ZRANB3: variants seen among roughly 807,000 people sequenced by gnomAD.
ZRANB3 encodes the protein DNA annealing helicase and endonuclease ZRANB3.
Under a neutral mutation model 133.8 loss-of-function variants are expected in ZRANB3, and 125 were observed. The ratio of observed to expected loss-of-function variants is 0.93; its 90% confidence interval spans 0.81 to 1.08. ZRANB3 has a LOEUF of 1.08. Among genes scored for constraint, ZRANB3 ranks in the 50% least tolerant of loss-of-function variants. The pLI is 0.00. For synonymous variants in ZRANB3, 387 were observed against 432.7 expected (o/e 0.89, Z 1.31); for missense variants, 1,229 against 1,275.5 (o/e 0.96, Z 0.56).
chr2:135,488,023 A>G (rs2104802357), intron 2 of ZRANB3, among the ~76,000 whole-genome samples: 1 of 152,232 alleles, frequency 6.6e-6, no homozygotes, highest in South Asian at 2.1e-4. Flanking sequence ...AAAGTGAGAG[A>G]TGTATGATCT....
intron 12 of ZRANB3, among the ~76,000 whole-genome samples, chr2:135,245,949 G>GAC (rs1695777284): frequency 1.3e-5 from 1 of 76,944 alleles, no homozygotes; most frequent in African/African-American, 7.1e-5. Context: ...AAAAAAAAAA[G>GAC]AGACAGGGTT....
intron 2 of ZRANB3, among the ~76,000 whole-genome samples, chr2:135,484,519 T>C (rs556169432): frequency 6.6e-6 from 1 of 152,012 alleles, no homozygotes; most frequent in African/African-American, 2.4e-5. Flanking sequence ...TATGAATTAA[T>C]AAAAAATTAG....
intron 1 of ZRANB3, among the ~76,000 whole-genome samples, chr2:135,512,731 TAAAG>T (rs1284694338): frequency 6.6e-6 from 1 of 151,544 alleles, no homozygotes; most frequent in African/African-American, 2.4e-5. Context: ...ATTATTAAAA[TAAAG>T]AAAAGCATTT....
intron 6 of ZRANB3, among the ~76,000 whole-genome samples, chr2:135,321,170 T>C (rs541944644): frequency 3.3e-5 from 5 of 152,320 alleles, no homozygotes; most frequent in East Asian, 1.9e-4. Context: ...TACCCAGCAG[T>C]AGGATTTCTG....
chr2:135,470,353 A>G (rs1024134158), intron 2 of ZRANB3, among the ~76,000 whole-genome samples: 1 of 151,418 alleles, frequency 6.6e-6, no homozygotes, highest in Non-Finnish European at 1.5e-5. Context: ...AATACTCTAA[A>G]AGTAGGTATG....
chr2:135,320,598 T>C (rs1000190923), intron 6 of ZRANB3, among the ~76,000 whole-genome samples: 1 of 152,202 alleles, frequency 6.6e-6, no homozygotes, highest in Non-Finnish European at 1.5e-5. Flanking sequence ...CTTTTGATCA[T>C]ATATAATTTA....
chr2:135,472,885 T>C lies in ZRANB3; in HGVS notation c.161+31444A>G, dbSNP rs531723741. ...GGTAAAGGAGAGCTAGTAGTAAGTT[T>C]ATACATCGTAGGGTTGTAGCCTTAT... On this transcript the variant is annotated intron_variant, in intron 2 of 20. Coordinates refer to ENST00000264159, the MANE Select transcript of ZRANB3 (RefSeq NM_032143.4). Among the ~76,000 whole-genome samples, 7 of 152,314 alleles carry C rather than the reference T, an allele frequency of 4.6e-5. No homozygotes were observed. In the East Asian group the frequency reaches 9.6e-4, roughly 21 times the overall value.
chr2:135,390,609 AAC>A (rs199759650), intron 3 of ZRANB3, among the ~76,000 whole-genome samples, 191 bp downstream of exon 3: 9 of 150,722 alleles, frequency 6.0e-5, no homozygotes, highest in African/African-American at 7.3e-5. Context: ...ATGTCTAGAA[AAC>A]ACACACACAC....
chr2:135,411,343 T>C (rs1488077742), intron 2 of ZRANB3, among the ~76,000 whole-genome samples: 1 of 152,098 alleles, frequency 6.6e-6, no homozygotes, highest in African/African-American at 2.4e-5. Flanking sequence ...TCAACCCCGA[T>C]GGAAAGCAGT....
At position 135,504,352 on chromosome 2, in the gene ZRANB3, A is replaced by G. The variant is rs765160537; in HGVS notation, c.138T>C (p.Ile46=). Residue 46 remains isoleucine (I), a synonymous_variant, in exon 2 of 21, where the codon ATT becomes ATC. Coordinates refer to ENST00000264159, the MANE Select transcript of ZRANB3 (RefSeq NM_032143.4). ...KLLPFQKDGI[I]FALKRNGRCM... is the part of the protein sequence containing the mutation. The stretch of plus-strand genomic sequence containing the variant: ...ACCTGCCATTTCTTTTGAGGGCAAA[A>G]ATGATGCCATCTTTCTGGAATGGAA... The G allele has an allele frequency of 6.2e-7, 1 of 1,613,606 alleles. No individual in the cohort carries two copies.
At chr2:135,409,634 C>T (rs1002966738) in intron 2 of ZRANB3, among the ~76,000 whole-genome samples, 2 of 151,878 alleles carry the variant, frequency 1.3e-5, no homozygotes, top group African/African-American at 2.4e-5. Context: ...GAAGTCCCAG[C>T]CAGAGGAAGA....
At chr2:135,237,901 CTGCACGTTG>C (rs1245032269) in intron 12 of ZRANB3, among the ~76,000 whole-genome samples, 1 of 152,120 alleles carries the variant, frequency 6.6e-6, no homozygotes, top group Non-Finnish European at 1.5e-5. Flanking sequence ...TGTAACAAAT[CTGCACGTTG>C]TGCACATGTA....
At chr2:135,356,718 TTG>T (rs1241888992) in intron 3 of ZRANB3, among the ~76,000 whole-genome samples, 6 of 152,186 alleles carry the variant, frequency 3.9e-5, no homozygotes, top group Non-Finnish European at 7.3e-5. Flanking sequence ...TGGGGTTTTT[TTG>T]TGTGTTTGTT....
chr2:135,370,240 T>A (rs183228231), intron 3 of ZRANB3, among the ~76,000 whole-genome samples: 1 of 152,038 alleles, frequency 6.6e-6, no homozygotes, highest in Non-Finnish European at 1.5e-5. Context: ...ATGAGTAAGT[T>A]CTTTAGTGGT....
At chr2:135,243,869 C>A (rs1695664237) in intron 12 of ZRANB3, among the ~76,000 whole-genome samples, 1 of 151,906 alleles carries the variant, frequency 6.6e-6, no homozygotes, top group South Asian at 2.1e-4. Context: ...ATCCTTCTGC[C>A]TTAGCCTCCC....
chr2:135,339,489 G>A (rs1684529827), intron 6 of ZRANB3, among the ~76,000 whole-genome samples: 1 of 152,006 alleles, frequency 6.6e-6, no homozygotes, highest in Non-Finnish European at 1.5e-5. Flanking sequence ...GACTGAGGTG[G>A]GAGGATCACC....
chr2:135,329,049 A>C (rs1442688792), intron 6 of ZRANB3, among the ~76,000 whole-genome samples: 8 of 152,196 alleles, frequency 5.3e-5, no homozygotes, highest in Non-Finnish European at 1.5e-5. Flanking sequence ...GCAGTGCAGA[A>C]GCCCTTTAGT....
intron 17 of ZRANB3, among the ~76,000 whole-genome samples, chr2:135,212,808 A>G (rs970728216): frequency 1.3e-5 from 2 of 152,200 alleles, no homozygotes; most frequent in African/African-American, 4.8e-5. Flanking sequence ...ATCAATGAAC[A>G]CAATCTTGGG....
At chr2:135,361,071 C>T (rs1042797479) in intron 3 of ZRANB3, among the ~76,000 whole-genome samples, 4 of 152,318 alleles carry the variant, frequency 2.6e-5, no homozygotes, top group African/African-American at 7.2e-5. Flanking sequence ...TGAGCCACCG[C>T]ACTTGGCCAG....
Sources: allele counts gnomAD v4.1 joint callset (sites outside exome capture counted in the v4.1 genomes callset), GRCh38; gene constraint gnomAD v4.1.1; transcripts MANE v1.5; gene names NCBI Gene and HGNC (gene_info 2026-07-23, HGNC 2026-07-21).